The following FRY variants were observed in gnomAD, a reference collection of about 807,000 sequenced individuals.
The protein encoded by FRY is protein furry homolog.
Under a neutral mutation model 348.4 loss-of-function variants are expected in FRY, and 128 were observed. That is an observed-to-expected ratio of 0.37 (90% CI 0.32 to 0.43). The LOEUF (loss-of-function observed/expected upper bound fraction) is 0.43. Among genes scored for constraint, FRY ranks in the 20% least tolerant of loss-of-function variants. The pLI is 1.00. For synonymous variants in FRY, 1,370 were observed against 1,374.7 expected (o/e 1.00, Z 0.08); for missense variants, 2,736 against 3,695.2 (o/e 0.74, Z 6.73).
chr13:32,126,637 G>A (rs1276306547), intron 7 of FRY, among the ~76,000 whole-genome samples: 1 of 152,164 alleles, frequency 6.6e-6, no homozygotes, highest in Non-Finnish European at 1.5e-5. Context: ...GACTCCAATA[G>A]CCCTTGATGT....
chr13:32,188,428 C>T (rs1575522), intron 28 of FRY, among the ~76,000 whole-genome samples: 62,156 of 151,870 alleles, frequency 0.41, 12,950 homozygotes, highest in African/African-American at 0.43. Flanking sequence ...CCTAATGATT[C>T]CCCATCAAAA....
chr13:32,118,380 T>G (rs1878443894), intron 4 of FRY, among the ~76,000 whole-genome samples: 1 of 152,214 alleles, frequency 6.6e-6, no homozygotes, highest in African/African-American at 2.4e-5. Context: ...GTGAATGATT[T>G]ATTTCTCTCA....
intron 2 of FRY, among the ~76,000 whole-genome samples, chr13:32,086,539 C>G (rs866395634): frequency 6.6e-6 from 1 of 152,178 alleles, no homozygotes; most frequent in African/African-American, 2.4e-5. Context: ...CTCCCATTGT[C>G]CCTTCCAGGA....
At chr13:32,082,956 C>T (rs1470790384) in intron 2 of FRY, among the ~76,000 whole-genome samples, 1 of 152,016 alleles carries the variant, frequency 6.6e-6, no homozygotes, top group Non-Finnish European at 1.5e-5. Flanking sequence ...GACTCTTGTG[C>T]TTCTTAAATT....
intron 42 of FRY, 81 bp downstream of exon 42, chr13:32,234,842 T>C (rs1210271629): frequency 8.8e-7 from 1 of 1,134,714 alleles, no homozygotes; most frequent in African/African-American, 1.5e-5. Context: ...TGAGCCTTTC[T>C]TCTGTCAACA....
intron 2 of FRY, among the ~76,000 whole-genome samples, chr13:32,080,254 C>T (rs1049627948): frequency 6.6e-6 from 1 of 152,170 alleles, no homozygotes; most frequent in Non-Finnish European, 1.5e-5. Flanking sequence ...ACCTTTATTT[C>T]CATTCACTCA....
intron 53 of FRY, among the ~76,000 whole-genome samples, chr13:32,263,287 T>C (rs1286961354): frequency 6.6e-6 from 1 of 152,204 alleles, no homozygotes; most frequent in Non-Finnish European, 1.5e-5. Context: ...CATAAAAGTA[T>C]ATTCCTTCTG....
At chr13:32,184,897 G>C in intron 25 of FRY, 79 bp from the exon 26 acceptor site, 1 of 1,254,590 alleles carries the variant, frequency 8.0e-7, no homozygotes, top group Non-Finnish European at 1.2e-6. Flanking sequence ...TTGTGACAGT[G>C]AATCTTAGTT....
chr13:32,049,170 G>A (rs1017478954), intron 1 of FRY, among the ~76,000 whole-genome samples: 1 of 152,170 alleles, frequency 6.6e-6, no homozygotes, highest in African/African-American at 2.4e-5. Context: ...TAAGAGGGAG[G>A]GAAGAGGCTG....
rs1288910079 is a variant in FRY at position 32,194,228 on chromosome 13, G to A, written c.3677G>A (p.Arg1226Gln). Residue 1226 changes from arginine (R) to glutamine (Q), a missense_variant, in exon 29 of 61, where the codon CGA (arginine) becomes CAA (glutamine). Arg to Gln is a conservative substitution (Grantham distance 43, BLOSUM62 1). Around this residue, in one of 9 missense-constraint regions of FRY, gnomAD observed 794 missense variants for 977.0 expected, o/e 0.81. Coordinates refer to ENST00000542859, the MANE Select transcript of FRY (RefSeq NM_023037.3). ...QINLFNWAID[R>Q]CYTGSYQLAS... ...AATCTTTTTAACTGGGCAATTGACCGATGCTACACAGGTTCCTACCAACTT... is the reference window on the plus strand; with the variant it reads ...AATCTTTTTAACTGGGCAATTGACCAATGCTACACAGGTTCCTACCAACTT... 3 of 1,613,902 alleles carry A rather than the reference G, an allele frequency of 1.9e-6. No homozygotes were observed. Among genetic ancestry groups the A allele is most frequent in the Non-Finnish European group, 2.5e-6 (3 of 1,179,864 alleles).
In FRY at chr13:32,295,952, G is replaced by C. The variant is rs2072055600; in HGVS notation, c.*492G>C. ...GGGCTGAGAAAGGGGCAGGCAAAATGAAGCTGGCCACTGAAAACTGTAAGA... is the reference window on the plus strand; with the variant it reads ...GGGCTGAGAAAGGGGCAGGCAAAATCAAGCTGGCCACTGAAAACTGTAAGA... On this transcript the variant is annotated 3_prime_UTR_variant, in exon 61 of 61. Coordinates refer to ENST00000542859, the MANE Select transcript of FRY (RefSeq NM_023037.3). 5.8e-6 allele frequency: 1 copy of C among 170,950 alleles called. No individual in the cohort carries two copies. Among genetic ancestry groups the C allele is most frequent in the African/African-American group, 2.4e-5 (1 of 41,562 alleles). The allele number at this position is 170,950 out of a possible 1,614,324, so 10.6% of individuals were successfully genotyped here. A position where few individuals can be genotyped will look rare whatever the true frequency, so the allele number is the denominator to read the frequency against.
chr13:32,060,482 G>A (rs186074078), intron 1 of FRY, among the ~76,000 whole-genome samples: 1 of 152,318 alleles, frequency 6.6e-6, no homozygotes, highest in East Asian at 1.9e-4. Context: ...GTTTCTCGCT[G>A]ACTCTTGGCT....
Position 32,265,608 on chromosome 13 carries a change from C to T in FRY, c.7938C>T (p.Thr2646=), listed in dbSNP as rs1887878932. 1.2e-6 allele frequency: 2 copies of T among 1,613,736 alleles called. No individual in the cohort carries two copies. The highest frequency in any genetic ancestry group is 1.7e-5 in the Admixed American group (1 of 59,944). ...EKGNRALDQF[T]LASFGEGDRG... ...GCAATCGGGCACTGGACCAGTTTAC[C>T]CTGGCGAGGTAATGGAGCCCTTGGC... The change falls in exon 54 of 61, where the codon ACC becomes ACT. Residue 2646 remains threonine (T), a synonymous_variant. Coordinates refer to ENST00000542859, the MANE Select transcript of FRY (RefSeq NM_023037.3).
rs144490047 is a variant in FRY, at chr13:32,263,778, G to A, written c.7779+1303G>A. 7.3e-3 allele frequency among the ~76,000 whole-genome samples: 1,105 copies of A among 152,322 alleles called. 7 individuals are homozygous for A. The highest frequency in any genetic ancestry group is 0.013 in the Non-Finnish European group (889 of 68,004). On this transcript the variant is annotated intron_variant, in intron 53 of 60. Transcript: ENST00000542859. ...AATCCCAGCACTTCGGGAGGCCGAG[G>A]CGGGTGGATCACGAGGTCAGGAGTT... is the stretch of plus-strand genomic sequence containing the variant.
chr13:32,213,166 G>C (rs888971401), intron 35 of FRY, among the ~76,000 whole-genome samples: 8 of 152,194 alleles, frequency 5.3e-5, no homozygotes, highest in African/African-American at 1.9e-4. Context: ...TAATTTAGGG[G>C]ATCCAGTGGT....
intron 28 of FRY, among the ~76,000 whole-genome samples, chr13:32,190,795 C>T (rs548117891): frequency 1.4e-4 from 22 of 152,164 alleles, no homozygotes; most frequent in African/African-American, 5.1e-4. Context: ...AGTCAAAATC[C>T]GGGCAGGATA....
At chr13:32,068,520 T>A (rs550438669) in intron 1 of FRY, among the ~76,000 whole-genome samples, 1 of 152,352 alleles carries the variant, frequency 6.6e-6, no homozygotes, top group East Asian at 1.9e-4. Flanking sequence ...GGAACGTCCA[T>A]GTAATCGCAT....
chr13:32,128,906 A>G (rs1478099227), intron 7 of FRY, among the ~76,000 whole-genome samples: 1 of 152,244 alleles, frequency 6.6e-6, no homozygotes, highest in African/African-American at 2.4e-5. Context: ...TTAAGCTGCC[A>G]TAACAAAGTA....
intron 58 of FRY, among the ~76,000 whole-genome samples, chr13:32,281,464 G>A (rs969060000): frequency 2.0e-5 from 3 of 152,204 alleles, no homozygotes; most frequent in Non-Finnish European, 2.9e-5. Flanking sequence ...GCATGAATAA[G>A]GAGGGAAGAT....
Sources: allele counts gnomAD v4.1 joint callset (sites outside exome capture counted in the v4.1 genomes callset), GRCh38; gene constraint gnomAD v4.1.1; regional missense constraint gnomAD v4.1.1; transcripts MANE v1.5; gene names NCBI Gene and HGNC (gene_info 2026-07-23, HGNC 2026-07-21).